The following MAGI2 variants were observed in gnomAD, a reference collection of about 807,000 sequenced individuals.
The protein encoded by MAGI2 is membrane associated guanylate kinase, WW and PDZ domain containing 2, also known as membrane-associated guanylate kinase, WW and PDZ domain-containing protein 2.
A neutral mutation model predicts 133.3 loss-of-function variants in MAGI2; 35 were observed. The ratio of observed to expected loss-of-function variants is 0.26; its 90% confidence interval spans 0.20 to 0.35. The LOEUF (loss-of-function observed/expected upper bound fraction) is 0.35, where lower values mean the gene tolerates loss of function less well. Ranked by LOEUF, MAGI2 falls within the 10% of genes least tolerant of loss-of-function variation. The pLI is 1.00. For synonymous variants in MAGI2, 729 were observed against 710.6 expected (o/e 1.03, Z -0.41); for missense variants, 1,636 against 1,863.4 (o/e 0.88, Z 2.25).
intron 2 of MAGI2, among the ~76,000 whole-genome samples, chr7:78,987,047 C>T (rs1382344421): frequency 6.6e-6 from 1 of 151,968 alleles, no homozygotes; most frequent in Non-Finnish European, 1.5e-5. Context: ...ATTAAGAGAA[C>T]TTGCTATGAA....
intron 1 of MAGI2, among the ~76,000 whole-genome samples, chr7:79,213,254 GTATATATATATGTGGGTGTGTA>G (rs1563001566): frequency 1.4e-5 from 2 of 139,758 alleles, no homozygotes; most frequent in Non-Finnish European, 3.2e-5. Flanking sequence ...ATGTGGGTGT[GTATATATATATGTGGGTGTGTA>G]TATATATATG....
At chr7:79,027,330 A>G (rs970717730) in intron 1 of MAGI2, among the ~76,000 whole-genome samples, 1 of 149,664 alleles carries the variant, frequency 6.7e-6, no homozygotes, top group Non-Finnish European at 1.5e-5. Context: ...AAAATATTAT[A>G]TATATATTTA....
intron 7 of MAGI2, among the ~76,000 whole-genome samples, chr7:78,355,485 C>T (rs929754650): frequency 2.0e-5 from 3 of 152,238 alleles, no homozygotes; most frequent in African/African-American, 4.8e-5. Context: ...ATTCACCGAG[C>T]GAATACTATA....
rs1326487308 is a variant in MAGI2 at position 79,102,200 on chromosome 7, G to A, written c.302-94994C>T. On this transcript the variant is annotated intron_variant, in intron 1 of 21. Transcript: ENST00000354212. The stretch of plus-strand genomic sequence containing the variant: ...TTTGTTACATAGGTATATGTGCCAT[G>A]GTGGTTTGCACGTATGCCCCAAAAT... Among the ~76,000 whole-genome samples, 2 of 152,014 alleles carry A rather than the reference G, an allele frequency of 1.3e-5. 1 individual carries two copies. The highest frequency in any genetic ancestry group is 1.3e-4 in the Admixed American group (2 of 15,280).
At chr7:78,750,237 T>C (rs778555020) in intron 2 of MAGI2, among the ~76,000 whole-genome samples, 102 of 152,312 alleles carry the variant, frequency 6.7e-4, no homozygotes, top group Non-Finnish European at 1.2e-3. Context: ...CTGGATAGTA[T>C]TCCATGGTGT....
chr7:79,059,805 A>T (rs955894108), intron 1 of MAGI2, among the ~76,000 whole-genome samples: 1 of 152,162 alleles, frequency 6.6e-6, no homozygotes, highest in Non-Finnish European at 1.5e-5. Flanking sequence ...CACTGATCCT[A>T]GTATAAAGAA....
At chr7:78,224,327 T>G (rs1220112532) in intron 10 of MAGI2, among the ~76,000 whole-genome samples, 1 of 152,172 alleles carries the variant, frequency 6.6e-6, no homozygotes, top group Non-Finnish European at 1.5e-5. Context: ...AGCTCTCCAC[T>G]CGTTAGTCTT....
chr7:78,640,026 A>G (rs1249426929), intron 2 of MAGI2, among the ~76,000 whole-genome samples: 3 of 152,154 alleles, frequency 2.0e-5, no homozygotes, highest in Non-Finnish European at 4.4e-5. Context: ...TTAGTATTCG[A>G]CACACAACCA....
intron 2 of MAGI2, among the ~76,000 whole-genome samples, chr7:78,702,263 G>T (rs1818157876): frequency 6.6e-6 from 1 of 151,964 alleles, no homozygotes; most frequent in African/African-American, 2.4e-5. Flanking sequence ...AAAAAGGTAT[G>T]CAGGAGAGCA....
intron 1 of MAGI2, among the ~76,000 whole-genome samples, chr7:79,374,918 C>T (rs1225473386): frequency 6.6e-6 from 1 of 151,770 alleles, no homozygotes; most frequent in East Asian, 1.9e-4. Context: ...TTTGATTGCC[C>T]AGGTTCACCA....
intron 2 of MAGI2, among the ~76,000 whole-genome samples, chr7:78,666,807 T>C (rs1813641089): frequency 6.6e-6 from 1 of 152,206 alleles, no homozygotes; most frequent in African/African-American, 2.4e-5. Flanking sequence ...GCGAATGCTT[T>C]GCCTAGGGGC....
intron 2 of MAGI2, among the ~76,000 whole-genome samples, chr7:78,797,579 A>T (rs890756225): frequency 6.6e-6 from 1 of 152,204 alleles, no homozygotes; most frequent in Non-Finnish European, 1.5e-5. Context: ...TTTGCTTTTC[A>T]TAATAGAAAT....
intron 10 of MAGI2, 150 bp from the exon 11 acceptor site, chr7:78,201,343 A>G: frequency 2.1e-6 from 1 of 482,610 alleles, no homozygotes; most frequent in Non-Finnish European, 3.7e-6. Flanking sequence ...GTTTTCTTCA[A>G]GGAGCTCAAA....
chr7:78,271,366 T>C (rs1088562), intron 9 of MAGI2, among the ~76,000 whole-genome samples: 2,762 of 152,278 alleles, frequency 0.018, 80 homozygotes, highest in African/African-American at 0.064. Context: ...CAGTATTTTA[T>C]TGAGGATTTT....
chr7:78,339,583 G>A (rs1790138069), intron 9 of MAGI2, among the ~76,000 whole-genome samples: 1 of 151,380 alleles, frequency 6.6e-6, no homozygotes, highest in Admixed American at 6.6e-5. Context: ...TTTCACTGAA[G>A]TTCAAAAGCA....
chr7:79,056,481 A>T (rs764538553), intron 1 of MAGI2, among the ~76,000 whole-genome samples: 2 of 152,196 alleles, frequency 1.3e-5, no homozygotes, highest in African/African-American at 2.4e-5. Context: ...TGAAAAAAAG[A>T]CTTCTTAAAA....
intron 1 of MAGI2, among the ~76,000 whole-genome samples, chr7:79,400,848 G>C (rs897656190): frequency 2.0e-5 from 3 of 152,034 alleles, no homozygotes; most frequent in Non-Finnish European, 2.9e-5. Flanking sequence ...TACAAGCACA[G>C]CTATCCTGAT....
At chr7:78,598,923 A>C (rs938591054) in intron 3 of MAGI2, among the ~76,000 whole-genome samples, 5 of 152,124 alleles carry the variant, frequency 3.3e-5, no homozygotes, top group African/African-American at 1.2e-4. Flanking sequence ...TACTGAGTTG[A>C]ATGCTTATGG....
chr7:78,856,967 G>T (rs916031117), intron 2 of MAGI2, among the ~76,000 whole-genome samples: 6 of 152,026 alleles, frequency 3.9e-5, no homozygotes, highest in Non-Finnish European at 7.4e-5. Context: ...AGGTCCTTCA[G>T]ATCCCTTGTA....
Sources: gnomAD v4.1 joint callset for allele counts (sites outside exome capture counted in the v4.1 genomes callset) on GRCh38, gnomAD v4.1.1 for gene constraint, MANE v1.5 for transcripts, NCBI Gene and HGNC (gene_info 2026-07-23, HGNC 2026-07-21) for gene names.